R3HDM2: variants seen among roughly 807,000 people sequenced by gnomAD.
The protein encoded by R3HDM2 is R3H domain containing 2, also known as R3H domain-containing protein 2.
Under a neutral mutation model 124.5 loss-of-function variants are expected in R3HDM2, and 38 were observed. The ratio of observed to expected loss-of-function variants is 0.31; its 90% CI spans 0.24 to 0.40. R3HDM2 has a LOEUF of 0.40. Among genes scored for constraint, R3HDM2 ranks in the 10% least tolerant of loss-of-function variants. R3HDM2 has a pLI of 1.00. For synonymous variants in R3HDM2, 391 were observed against 448.0 expected (o/e 0.87, Z 1.61); for missense variants, 869 against 1,236.9 (o/e 0.70, Z 4.46).
At chr12:57,341,283 G>A (rs2059538474) in intron 2 of R3HDM2, 5 of 511,030 alleles carry the variant, frequency 9.8e-6, no homozygotes, top group Non-Finnish European at 1.3e-5. Flanking sequence ...ATTTTAAAAG[G>A]AAACAAACAA....
intron 1 of R3HDM2, among the ~76,000 whole-genome samples, chr12:57,424,314 T>C (rs2139644284): frequency 6.6e-6 from 1 of 151,576 alleles, no homozygotes; most frequent in South Asian, 2.1e-4. Flanking sequence ...TGTGATACCA[T>C]AACACCCAGC....
At chr12:57,348,024 T>A (rs2060239796) in intron 2 of R3HDM2, among the ~76,000 whole-genome samples, 1 of 152,240 alleles carries the variant, frequency 6.6e-6, no homozygotes, top group African/African-American at 2.4e-5. Flanking sequence ...TGTTTCATCC[T>A]AAGGAAGAAA....
chr12:57,305,311 T>C (rs2052332068), intron 3 of R3HDM2, among the ~76,000 whole-genome samples: 1 of 152,232 alleles, frequency 6.6e-6, no homozygotes, highest in Non-Finnish European at 1.5e-5. Context: ...AGTATTCCAC[T>C]GTGTAGCTAT....
chr12:57,387,965 A>ATTT (rs113022653), intron 2 of R3HDM2, among the ~76,000 whole-genome samples: 46,544 of 85,430 alleles, frequency 0.54, 7,555 homozygotes, highest in East Asian at 0.69. Context: ...AGACAAAAAA[A>ATTT]ATTTTTTTTT....
Position 57,258,032 on chromosome 12 carries a change from G to A in R3HDM2, c.2407C>T (p.Pro803Ser). 6.3e-7 allele frequency: 1 copy of A among 1,591,678 alleles called. No individual in the cohort carries two copies. The highest frequency in any genetic ancestry group is 1.1e-5 in the South Asian group (1 of 88,042). The change falls in exon 21 of 24, where the codon CCT becomes TCT. Residue 803 changes from proline to serine, a missense_variant. Transcript: ENST00000402412. ...GGCCGGGGGAACTGTGTGAGGACAG[G>A]CAGGGGACTGAGTCCTGTGCAGACA... Reference protein sequence around the residue: ...SSVCTGLSPLPVLTQFPRPGG... With the variant: ...SSVCTGLSPLSVLTQFPRPGG...
At chr12:57,336,822 T>A (rs1331456302) in intron 2 of R3HDM2, among the ~76,000 whole-genome samples, 3 of 141,106 alleles carry the variant, frequency 2.1e-5, no homozygotes, top group East Asian at 2.0e-4. Flanking sequence ...AATAAAAGTT[T>A]AAAAAAAAAA....
chr12:57,406,562 T>C (rs1383494830), intron 1 of R3HDM2, among the ~76,000 whole-genome samples: 2 of 152,094 alleles, frequency 1.3e-5, no homozygotes, highest in African/African-American at 4.8e-5. Flanking sequence ...GTATCTTTTA[T>C]AAAAAGTACT....
intron 2 of R3HDM2, among the ~76,000 whole-genome samples, chr12:57,351,016 T>C (rs2137242084): frequency 6.6e-6 from 1 of 152,330 alleles, no homozygotes; most frequent in Non-Finnish European, 1.5e-5. Context: ...AAGAATTGCT[T>C]GAACCTTGGA....
In R3HDM2 at chr12:57,266,712, C is replaced by T. The variant is rs756797294; in HGVS notation, c.2131+19G>A. 11 of 1,544,842 alleles carry T rather than the reference C, an allele frequency of 7.1e-6. No individual in the cohort carries two copies. Among genetic ancestry groups the T allele is most frequent in the Admixed American group, 1.7e-5 (1 of 59,578 alleles). ...TGCTCTTGTCAGTGCCCAAGACCCA[C>T]AGTTCCTTATCCTCTTACCTGAGTA... On this transcript the variant is annotated intron_variant, in intron 19 of 23. Transcript: ENST00000402412.
At chr12:57,347,509 G>T (rs1009775426) in intron 2 of R3HDM2, among the ~76,000 whole-genome samples, 1 of 151,696 alleles carries the variant, frequency 6.6e-6, no homozygotes, top group Non-Finnish European at 1.5e-5. Context: ...AAAATAAGAG[G>T]AACAAAGAAA....
intron 1 of R3HDM2, among the ~76,000 whole-genome samples, chr12:57,396,094 T>A (rs919142386): frequency 7.2e-5 from 11 of 152,164 alleles, no homozygotes; most frequent in Admixed American, 6.6e-4. Flanking sequence ...TAACATAAAT[T>A]AATCACCCAG....
rs775839017 is a variant in R3HDM2 at position 57,371,083 on chromosome 12, C to CTTTT, written c.-36+24662_-36+24665dup. ...AATGGGAACCAAATATATACCATTA[C>CTTTT]TTTTTTTTTTTTTTTTTTTTTTTTT... On this transcript the variant is annotated intron_variant, in intron 2 of 23. Coordinates refer to ENST00000402412, the MANE Select transcript of R3HDM2 (RefSeq NM_001394031.1). Among the ~76,000 whole-genome samples the CTTTT allele has an allele frequency of 9.8e-4, 40 of 40,898 alleles. 4 individuals are homozygous for CTTTT. Among genetic ancestry groups the CTTTT allele is most frequent in the Non-Finnish European group, 9.2e-4 (21 of 22,794 alleles). 26.8% of individuals were successfully genotyped at this position (40,898 alleles called of 152,430 possible).
At chr12:57,271,982 C>T (rs2043695074) in intron 14 of R3HDM2, among the ~76,000 whole-genome samples, 1 of 151,692 alleles carries the variant, frequency 6.6e-6, no homozygotes, top group Non-Finnish European at 1.5e-5. Context: ...GCAACCTCAG[C>T]CTCTCAGGTT....
At chr12:57,326,606 T>C (rs2057343317) in intron 2 of R3HDM2, among the ~76,000 whole-genome samples, 1 of 152,248 alleles carries the variant, frequency 6.6e-6, no homozygotes, top group African/African-American at 2.4e-5. Flanking sequence ...AGTGCTGTTG[T>C]AGAAGCTGTA....
At chr12:57,299,576 C>T in intron 5 of R3HDM2, 98 bp from the exon 6 acceptor site, 3 of 1,235,970 alleles carry the variant, frequency 2.4e-6, no homozygotes, top group Non-Finnish European at 3.4e-6. Flanking sequence ...GGTGGCAGCT[C>T]TCTCTTATAG....
At chr12:57,267,767 T>TA (rs2042806110) in intron 18 of R3HDM2, among the ~76,000 whole-genome samples, 2 of 152,290 alleles carry the variant, frequency 1.3e-5, no homozygotes, top group Admixed American at 6.5e-5. Flanking sequence ...TTAATTTAGG[T>TA]AAATTTTTTA....
chr12:57,271,705 G>A (rs764491521), intron 14 of R3HDM2, among the ~76,000 whole-genome samples: 8 of 152,242 alleles, frequency 5.3e-5, no homozygotes, highest in Non-Finnish European at 1.2e-4. Flanking sequence ...ACAATTCAGG[G>A]CTCCTACAAC....
chr12:57,341,017 A>C (rs1240650541), intron 2 of R3HDM2, among the ~76,000 whole-genome samples: 1 of 152,186 alleles, frequency 6.6e-6, no homozygotes, highest in Non-Finnish European at 1.5e-5. Context: ...TCTAAACTAC[A>C]ATGTCAAGGA....
chr12:57,335,464 A>G (rs965953583), intron 2 of R3HDM2, among the ~76,000 whole-genome samples: 10 of 144,060 alleles, frequency 6.9e-5, no homozygotes, highest in Non-Finnish European at 1.3e-4. Flanking sequence ...TGCTGGGATT[A>G]CAGGCGTGAG....
Sources: gnomAD v4.1 joint callset for allele counts (sites outside exome capture counted in the v4.1 genomes callset) on GRCh38, gnomAD v4.1.1 for gene constraint, MANE v1.5 for transcripts, NCBI Gene and HGNC (gene_info 2026-07-23, HGNC 2026-07-21) for gene names.